The following PACRG variants were observed in gnomAD, a reference collection of about 807,000 sequenced individuals.
PACRG encodes parkin coregulated.
Under a neutral mutation model 29.7 loss-of-function variants are expected in PACRG, and 29 were observed. That is an observed-to-expected ratio of 0.98 (90% CI 0.73 to 1.33). The LOEUF (loss-of-function observed/expected upper bound fraction) is 1.33, where lower values mean the gene tolerates loss of function less well. Among genes scored for constraint, PACRG ranks in the 40% most tolerant of loss-of-function variants. PACRG has a pLI of 0.00. For synonymous variants in PACRG, 116 were observed against 118.7 expected (o/e 0.98, Z 0.15); for missense variants, 279 against 316.2 (o/e 0.88, Z 0.89).
intron 2 of PACRG, among the ~76,000 whole-genome samples, chr6:162,863,988 T>G (rs969388429): frequency 1.8e-4 from 28 of 152,214 alleles, no homozygotes; most frequent in Admixed American, 2.6e-4. Context: ...AACATGTGCT[T>G]TGATGCATCT....
At chr6:163,234,912 A>C (rs556995071) in intron 4 of PACRG, among the ~76,000 whole-genome samples, 1 of 152,288 alleles carries the variant, frequency 6.6e-6, no homozygotes, top group African/African-American at 2.4e-5. Flanking sequence ...TCTTTTTAAA[A>C]AGTTGATTTT....
intron 2 of PACRG, among the ~76,000 whole-genome samples, chr6:162,849,837 C>T (rs187551327): frequency 2.0e-5 from 3 of 152,202 alleles, no homozygotes; most frequent in East Asian, 3.9e-4. Context: ...AGTAAATAGT[C>T]GCTAATCAAT....
intron 2 of PACRG, among the ~76,000 whole-genome samples, chr6:162,924,848 G>T (rs1471047682): frequency 1.3e-5 from 2 of 151,780 alleles, no homozygotes; most frequent in African/African-American, 2.4e-5. Flanking sequence ...GATACGAAAA[G>T]TCCTTCAAAA....
intron 1 of PACRG, among the ~76,000 whole-genome samples, chr6:162,774,808 T>G (rs1290604450): frequency 1.3e-5 from 2 of 152,198 alleles, no homozygotes; most frequent in Non-Finnish European, 2.9e-5. Context: ...CTTTGTTGTA[T>G]TCTTTTATTA....
In PACRG at chr6:163,315,361, G is replaced by A. The variant is rs773433281; in HGVS notation, c.*374G>A. 1.6e-4 allele frequency: 27 copies of A among 165,420 alleles called. No individual in the cohort carries two copies. The highest frequency in any genetic ancestry group is 2.9e-4 in the Non-Finnish European group (22 of 76,280). The allele number at this position is 165,420 out of a possible 1,614,324, so 10.2% of individuals were successfully genotyped here. A position where few individuals can be genotyped will look rare whatever the true frequency, so the allele number is the denominator to read the frequency against. ...GCCTGCCCTGGGGGTGATGTCAGAGGTTGTAAGGGAAGAGTTTATGCTGAC... is the reference window on the plus strand; with the variant it reads ...GCCTGCCCTGGGGGTGATGTCAGAGATTGTAAGGGAAGAGTTTATGCTGAC... On this transcript the variant is annotated 3_prime_UTR_variant, in exon 5 of 5. Coordinates refer to ENST00000366888, the MANE Select transcript of PACRG (RefSeq NM_001080379.2).
intron 4 of PACRG, among the ~76,000 whole-genome samples, chr6:163,296,024 C>T (rs1173569425): frequency 6.6e-6 from 1 of 152,120 alleles, no homozygotes; most frequent in Non-Finnish European, 1.5e-5. Flanking sequence ...CTCTATAACC[C>T]AGAGCAGCAG....
chr6:162,895,191 G>A (rs1006671268), intron 2 of PACRG, among the ~76,000 whole-genome samples: 5 of 146,574 alleles, frequency 3.4e-5, no homozygotes, highest in Non-Finnish European at 7.4e-5. Context: ...GATGGCTTGA[G>A]CCCAGGAGGT....
At chr6:163,086,410 G>C (rs1208641029) in intron 3 of PACRG, among the ~76,000 whole-genome samples, 11 of 152,156 alleles carry the variant, frequency 7.2e-5, no homozygotes, top group Admixed American at 3.9e-4. Flanking sequence ...TCAGCAGATA[G>C]ATTTTGTCCT....
intron 1 of PACRG, among the ~76,000 whole-genome samples, chr6:162,806,375 G>T (rs565827728): frequency 3.4e-4 from 52 of 151,276 alleles, no homozygotes; most frequent in African/African-American, 1.1e-3. Context: ...CTTCCAAAGT[G>T]CTGGGATTAC....
intron 2 of PACRG, among the ~76,000 whole-genome samples, chr6:162,903,190 C>G (rs1042864574): frequency 2.6e-5 from 4 of 152,080 alleles, no homozygotes; most frequent in African/African-American, 9.7e-5. Flanking sequence ...GGTAGTAATA[C>G]TAGAATCAGA....
At chr6:162,950,512 A>G (rs1490616932) in intron 2 of PACRG, among the ~76,000 whole-genome samples, 1 of 2,148 alleles carries the variant, frequency 4.7e-4, no homozygotes, top group Non-Finnish European at 3.2e-3. Context: ...CATCTCAATA[A>G]ATAAATAAAT....
chr6:163,034,710 C>A (rs1054015780), intron 2 of PACRG, among the ~76,000 whole-genome samples: 6 of 152,114 alleles, frequency 3.9e-5, no homozygotes, highest in African/African-American at 1.4e-4. Context: ...AAGATGTCAC[C>A]AGACACCACC....
chr6:163,260,054 C>A (rs1783262949), intron 4 of PACRG, among the ~76,000 whole-genome samples: 1 of 152,234 alleles, frequency 6.6e-6, no homozygotes, highest in African/African-American at 2.4e-5. Context: ...CATCCCGCCC[C>A]TCCAAGCCCC....
At chr6:163,269,789 A>G (rs368735991) in intron 4 of PACRG, among the ~76,000 whole-genome samples, 1,763 of 84,570 alleles carry the variant, frequency 0.021, 253 homozygotes, top group South Asian at 0.039. Flanking sequence ...AGACAGAAAG[A>G]AAGAAAGGAA....
At chr6:163,176,206 G>C (rs1338688370) in intron 4 of PACRG, among the ~76,000 whole-genome samples, 2 of 152,186 alleles carry the variant, frequency 1.3e-5, no homozygotes, top group South Asian at 2.1e-4. Flanking sequence ...TCTTTAGGCA[G>C]TCATGACTGT....
rs1459341912 is a variant in PACRG at position 163,231,446 on chromosome 6, G to A, written c.614-83381G>A. 4.6e-5 allele frequency among the ~76,000 whole-genome samples: 7 copies of A among 152,266 alleles called. No homozygotes were observed. The South Asian group carries it at 6.2e-4, about 14-fold the overall frequency. The stretch of plus-strand genomic sequence containing the variant: ...GGGCTTGCTGGAAGTCTGCACCGGC[G>A]CTGCATGCAGGAGAGCCCCGGGCTG... On this transcript the variant is annotated intron_variant, in intron 4 of 4. Transcript: ENST00000366888.
At chr6:163,191,570 T>C (rs1306253933) in intron 4 of PACRG, 5 of 447,518 alleles carry the variant, frequency 1.1e-5, no homozygotes, top group Admixed American at 7.1e-5. Context: ...CTCAAGGATC[T>C]TGAGTGTATC....
intron 2 of PACRG, among the ~76,000 whole-genome samples, chr6:163,053,327 C>A (rs1225778261): frequency 4.6e-5 from 7 of 152,240 alleles, no homozygotes; most frequent in African/African-American, 1.7e-4. Context: ...CCTCATTTAT[C>A]TCTTCTTCAA....
chr6:162,769,768 A>T (rs949135066), intron 1 of PACRG, among the ~76,000 whole-genome samples: 5 of 151,248 alleles, frequency 3.3e-5, no homozygotes, highest in African/African-American at 1.2e-4. Flanking sequence ...AGGTTAGCAA[A>T]AAAAAAAAAG....
Sources: allele counts gnomAD v4.1 joint callset (sites outside exome capture counted in the v4.1 genomes callset), GRCh38; gene constraint gnomAD v4.1.1; transcripts MANE v1.5; gene names NCBI Gene and HGNC (gene_info 2026-07-23, HGNC 2026-07-21).